TENM3: variants seen among roughly 807,000 people sequenced by gnomAD.
The protein encoded by TENM3 is teneurin-3.
In TENM3, 63 loss-of-function variants were observed where a neutral mutation model predicts 255.1. The observed-to-expected ratio is 0.25, with a 90% CI of 0.20 to 0.30. The LOEUF is 0.30. Among genes scored for constraint, TENM3 ranks in the 10% least tolerant of loss-of-function variants. The pLI is 1.00. For synonymous variants in TENM3, 1,306 were observed against 1,322.3 expected (o/e 0.99, Z 0.27); for missense variants, 2,929 against 3,461.1 (o/e 0.85, Z 3.86).
the TENM3 span, among the ~76,000 whole-genome samples, chr4:181,870,662 G>A: frequency 6.6e-6 from 1 of 152,002 alleles, no homozygotes; most frequent in Admixed American, 6.6e-5. Flanking sequence ...TTGGGTATTT[G>A]GGTATTTGCT....
At chr4:182,467,711 T>C (rs989404237) in intron 3 of TENM3, among the ~76,000 whole-genome samples, 4 of 152,188 alleles carry the variant, frequency 2.6e-5, no homozygotes, top group Non-Finnish European at 2.9e-5. Context: ...AACTCCACTT[T>C]GGGTCACCCC....
intron 3 of TENM3, among the ~76,000 whole-genome samples, chr4:182,483,932 A>G (rs1023835420): frequency 6.6e-6 from 1 of 152,244 alleles, no homozygotes; most frequent in Admixed American, 6.5e-5. Context: ...GTCCTCCCCC[A>G]TGAGCCAGTC....
At chr4:182,783,075 T>C (rs1459158729) in intron 24 of TENM3, among the ~76,000 whole-genome samples, 3 of 150,048 alleles carry the variant, frequency 2.0e-5, no homozygotes, top group African/African-American at 7.3e-5. Context: ...AATATTGTTA[T>C]GTGTGAATTT....
At chr4:182,761,616 T>G (rs2152767053) in intron 22 of TENM3, among the ~76,000 whole-genome samples, 1 of 151,682 alleles carries the variant, frequency 6.6e-6, no homozygotes, top group Admixed American at 6.6e-5. Flanking sequence ...ACACACACAC[T>G]TATACACACA....
chr4:181,467,126 T>TATA, the TENM3 span, among the ~76,000 whole-genome samples: 1 of 27,174 alleles, frequency 3.7e-5, no homozygotes, highest in Non-Finnish European at 7.1e-5. Flanking sequence ...TATATATATA[T>TATA]TTTTTTTTTT....
the TENM3 span, among the ~76,000 whole-genome samples, chr4:182,138,978 C>T: frequency 6.6e-6 from 1 of 152,146 alleles, no homozygotes; most frequent in Non-Finnish European, 1.5e-5. Flanking sequence ...TGACATACCC[C>T]TGTTTAAAAA....
the TENM3 span, among the ~76,000 whole-genome samples, chr4:181,574,184 C>A: frequency 4.6e-5 from 7 of 152,202 alleles, no homozygotes; most frequent in Non-Finnish European, 1.0e-4. Context: ...TACCTAGTCA[C>A]TTCACTTGAG....
At chr4:181,723,414 T>G in the TENM3 span, among the ~76,000 whole-genome samples, 2 of 151,914 alleles carry the variant, frequency 1.3e-5, no homozygotes, top group African/African-American at 4.8e-5. Flanking sequence ...CTCTTTTTGG[T>G]AGAGCACATT....
chr4:182,217,514 C>T (rs2149936995), intron 1 of TENM3, among the ~76,000 whole-genome samples: 1 of 152,264 alleles, frequency 6.6e-6, no homozygotes, highest in South Asian at 2.1e-4. Flanking sequence ...AACTGACATG[C>T]ATTGAGCGCT....
intron 12 of TENM3, among the ~76,000 whole-genome samples, chr4:182,688,599 A>G (rs1271075988): frequency 1.3e-5 from 2 of 152,198 alleles, no homozygotes; most frequent in East Asian, 3.8e-4. Flanking sequence ...ACAAAAATGG[A>G]CTCACATAAA....
At chr4:181,898,124 T>C in the TENM3 span, among the ~76,000 whole-genome samples, 2 of 152,352 alleles carry the variant, frequency 1.3e-5, no homozygotes, top group South Asian at 2.1e-4. Flanking sequence ...ATTCACTTCA[T>C]GCAATCCAAC....
intron 7 of TENM3, 64 bp downstream of exon 7, chr4:182,673,283 C>T: frequency 1.8e-6 from 2 of 1,130,186 alleles, no homozygotes; most frequent in Non-Finnish European, 2.5e-6. Flanking sequence ...AAATTATTCT[C>T]TTTCTTAAGC....
chr4:182,116,580 T>C, the TENM3 span, among the ~76,000 whole-genome samples: 1 of 152,134 alleles, frequency 6.6e-6, no homozygotes, highest in African/African-American at 2.4e-5. Flanking sequence ...AGAGGTGTCT[T>C]CCATCATGAT....
chr4:181,543,243 G>T, the TENM3 span, among the ~76,000 whole-genome samples: 5 of 152,204 alleles, frequency 3.3e-5, no homozygotes, highest in African/African-American at 9.6e-5. Flanking sequence ...CCTTCGTCCA[G>T]CTTGAGACTG....
the TENM3 span, among the ~76,000 whole-genome samples, chr4:181,940,897 T>A: frequency 6.6e-6 from 1 of 152,216 alleles, no homozygotes; most frequent in East Asian, 1.9e-4. Context: ...CAAAGAGGTA[T>A]CAGTGTTTGT....
chr4:182,277,574 C>T (rs1420511349), intron 1 of TENM3, among the ~76,000 whole-genome samples: 1 of 152,160 alleles, frequency 6.6e-6, no homozygotes, highest in Non-Finnish European at 1.5e-5. Context: ...CTACTCTTCA[C>T]TCATAATAGT....
intron 3 of TENM3, among the ~76,000 whole-genome samples, chr4:182,408,639 A>G (rs1442946573): frequency 6.6e-6 from 1 of 152,260 alleles, no homozygotes; most frequent in African/African-American, 2.4e-5. Context: ...TGTTAAAAAA[A>G]GAAAAAAATC....
the TENM3 span, among the ~76,000 whole-genome samples, chr4:181,581,598 T>C: frequency 1.3e-5 from 2 of 152,170 alleles, no homozygotes; most frequent in African/African-American, 4.8e-5. Flanking sequence ...CAAAATACCA[T>C]TGCATTTATT....
intron 6 of TENM3, among the ~76,000 whole-genome samples, chr4:182,668,200 TCAC>T (rs1754884347): frequency 1.3e-5 from 2 of 152,136 alleles, no homozygotes; most frequent in Admixed American, 6.5e-5. Flanking sequence ...AAAAGAGGCT[TCAC>T]CACCACAATA....
Sources: allele counts gnomAD v4.1 joint callset (sites outside exome capture counted in the v4.1 genomes callset), GRCh38; gene constraint gnomAD v4.1.1; transcripts MANE v1.5; gene names NCBI Gene and HGNC (gene_info 2026-07-23, HGNC 2026-07-21).